NLRC3: variants seen among roughly 807,000 people sequenced by gnomAD.
NLRC3 encodes NLR family CARD domain containing 3.
NLRC3 carries 87 observed loss-of-function variants against 91.6 expected under a neutral mutation model. The ratio of observed to expected loss-of-function variants is 0.95; its 90% CI spans 0.80 to 1.14. The LOEUF (loss-of-function observed/expected upper bound fraction) is 1.14. Ranked by LOEUF, NLRC3 falls within the 50% of genes most tolerant of loss-of-function variation. NLRC3 has a pLI of 0.00. For synonymous variants in NLRC3, 694 were observed against 625.3 expected (o/e 1.11, Z -1.64); for missense variants, 1,577 against 1,418.6 (o/e 1.11, Z -1.79).
rs748215521 is a variant in NLRC3 at position 3,557,670 on chromosome 16, C to T, written c.2022G>A (p.Ala674=). 3.8e-5 allele frequency: 61 copies of T among 1,611,910 alleles called. No homozygotes were observed. The highest frequency in any genetic ancestry group is 1.2e-4 in the Admixed American group (7 of 59,924). ...CCCCTTTGTTACTGATCTGGTTCTC[C>T]GCCAAGCTGCCCAAGGAAAGGGAGA... is the stretch of plus-strand genomic sequence containing the variant. ...KDCRIQKISL[A]ENQISNKGAK... Residue 674 remains alanine, a synonymous_variant, in exon 7 of 20, where the codon GCG becomes GCA. Transcript: ENST00000359128.
intron 15 of NLRC3, chr16:3,545,281 A>G (rs971839696): frequency 6.6e-6 from 1 of 152,122 alleles, no homozygotes; most frequent in Non-Finnish European, 1.5e-5. Context: ...CCCCGTCTCC[A>G]CTAAAAATAC....
intron 17 of NLRC3, 51 bp from the exon 18 acceptor site, chr16:3,542,826 TACTG>T: frequency 7.8e-7 from 1 of 1,284,520 alleles, no homozygotes; most frequent in Non-Finnish European, 1.1e-6. Flanking sequence ...TGAGAGGTGA[TACTG>T]ACCCCTCTGC....
chr16:3,565,371 C>A lies in NLRC3; in HGVS notation c.-77G>T. ...TCACCTCTCTGCGCCTTGGTGTCTT[C>A]ATTTGTGACCTGGAAATGATGATGA... On this transcript the variant is annotated 5_prime_UTR_variant, in exon 3 of 20. The change abolishes an upstream ATG in the 5' untranslated region. Coordinates refer to ENST00000359128, the MANE Select transcript of NLRC3 (RefSeq NM_178844.4). 2.0e-6 allele frequency: 1 copy of A among 512,006 alleles called. No individual in the cohort carries two copies. The highest frequency in any genetic ancestry group is 5.0e-5 in the East Asian group (1 of 19,842). 31.7% of individuals were successfully genotyped at this position (512,006 alleles called of 1,614,324 possible). A position where few individuals can be genotyped will look rare whatever the true frequency, so the allele number is the denominator to read the frequency against.
chr16:3,563,805 C>T lies in NLRC3; in HGVS notation c.1132G>A (p.Glu378Lys). Residue 378 changes from glutamate (E) to lysine (K), a missense_variant, in exon 5 of 20, where the codon GAG (glutamate) becomes AAG (lysine). By Grantham distance (56) the Glu-to-Lys change is moderately conservative (BLOSUM62 1). Coordinates refer to ENST00000359128, the MANE Select transcript of NLRC3 (RefSeq NM_178844.4). ...FRMALSGEGQ[E>K]KGKASPRIEQ... ...ATGCGAGGGCTTGCCTTGCCCTTCTCCTGCCCCTCCCCGCTGAGGGCCATC... is the reference window on the plus strand; with the variant it reads ...ATGCGAGGGCTTGCCTTGCCCTTCTTCTGCCCCTCCCCGCTGAGGGCCATC... The T allele has an allele frequency of 6.2e-7, 1 of 1,610,970 alleles. No individual in the cohort carries two copies. The highest frequency in any genetic ancestry group is 8.5e-7 in the Non-Finnish European group (1 of 1,178,320).
At chr16:3,566,156 A>G (rs2039876754) in intron 2 of NLRC3, among the ~76,000 whole-genome samples, 1 of 149,740 alleles carries the variant, frequency 6.7e-6, no homozygotes, top group African/African-American at 2.4e-5. Context: ...CACTATGGAC[A>G]TTGGGTGATG....
Position 3,541,838 on chromosome 16 carries a change from G to T in NLRC3, c.3185C>A (p.Thr1062Asn). The change falls in exon 20 of 20, where the codon ACT becomes AAT. Residue 1062 changes from threonine to asparagine, a missense_variant. Physicochemically the swap from Thr to Asn is moderately conservative, Grantham distance 65 (BLOSUM62 0). Transcript: ENST00000359128. ...EAIKTNAPTC[T>N]VEM is the part of the protein sequence containing the mutation. ...CGTCCACCAGGATCACATTTCAACA[G>T]TGCACGTGGGAGCATTTGTCTTGAT... 1 of 1,609,170 alleles carries T rather than the reference G, an allele frequency of 6.2e-7. No homozygotes were observed. The highest frequency in any genetic ancestry group is 8.5e-7 in the Non-Finnish European group (1 of 1,175,976).
chr16:3,555,599 T>G (rs2039267152), intron 8 of NLRC3, among the ~76,000 whole-genome samples: 1 of 152,112 alleles, frequency 6.6e-6, no homozygotes, highest in South Asian at 2.1e-4. Flanking sequence ...AGACAGAGTC[T>G]CGCTCTGTCG....
Position 3,544,404 on chromosome 16 carries a change from C to T in NLRC3, c.2772-75G>A, listed in dbSNP as rs557024335. ...CTAGCAAGGCCCTGCCGCACTTGGA[C>T]CTGCCAGGTTTAACCGACTACACAC... On this transcript the variant is annotated intron_variant, in intron 15 of 19. Transcript: ENST00000359128. 20 of 1,044,034 alleles carry T rather than the reference C, an allele frequency of 1.9e-5. No homozygotes were observed. The African/African-American group carries it at 3.1e-4, about 16-fold the overall frequency. 64.7% of individuals were successfully genotyped at this position (1,044,034 alleles called of 1,614,324 possible). A position where few individuals can be genotyped will look rare whatever the true frequency, so the allele number is the denominator to read the frequency against.
At chr16:3,576,289 C>A (rs554998505) in intron 1 of NLRC3, among the ~76,000 whole-genome samples, 2 of 152,194 alleles carry the variant, frequency 1.3e-5, no homozygotes, top group Admixed American at 1.3e-4. Context: ...CTGCGGTTGC[C>A]GTCTCTCTCG....
intron 1 of NLRC3, among the ~76,000 whole-genome samples, chr16:3,572,652 A>G (rs72778138): frequency 0.17 from 25,617 of 152,186 alleles, 2,590 homozygotes; most frequent in South Asian, 0.29. Flanking sequence ...CTGGATTATA[A>G]TAACCATTAT....
chr16:3,557,044 G>T, intron 7 of NLRC3, 50 bp from the exon 8 acceptor site: 1 of 1,334,102 alleles, frequency 7.5e-7, no homozygotes, highest in South Asian at 1.2e-5. Flanking sequence ...CCCAGAGAGG[G>T]AAGGGGAAAC....
At chr16:3,553,767 A>G (rs926502717) in intron 9 of NLRC3, among the ~76,000 whole-genome samples, 2 of 149,754 alleles carry the variant, frequency 1.3e-5, no homozygotes, top group Non-Finnish European at 3.0e-5. Context: ...TTTTTTTGAC[A>G]GAGTCTCGCT....
chr16:3,547,778 CCTG>C lies in NLRC3; in HGVS notation c.2771+354_2771+356del, dbSNP rs377560172. Among the ~76,000 whole-genome samples the C allele has an allele frequency of 4.1e-3, 626 of 152,284 alleles. 12 individuals carry two copies. Among genetic ancestry groups the C allele is most frequent in the African/African-American group, 0.014 (582 of 41,556 alleles). On this transcript the variant is annotated intron_variant, in intron 15 of 19. Transcript: ENST00000359128. Reference sequence around the variant, plus strand: ...GTGCCTCCTGAGTTTAAGCGATTCTCCTGCCTCAGCCTCCCGAGTAGCTGGGAT... The same window carrying C: ...GTGCCTCCTGAGTTTAAGCGATTCTCCCTCAGCCTCCCGAGTAGCTGGGAT...
intron 19 of NLRC3, 79 bp downstream of exon 19, chr16:3,542,112 G>A: frequency 9.5e-7 from 1 of 1,056,720 alleles, no homozygotes; most frequent in South Asian, 1.3e-5. Context: ...GGGGTCAGCT[G>A]GCTCTCAGAA....
chr16:3,556,937 C>A lies in NLRC3; in HGVS notation c.2157G>T (p.Lys719Asn), dbSNP rs201245547. The A allele has an allele frequency of 2.7e-4, 432 of 1,613,634 alleles. No individual in the cohort carries two copies. Among genetic ancestry groups the A allele is most frequent in the Non-Finnish European group, 3.5e-4 (412 of 1,179,784 alleles). ...QGAKALADAL[K>N]INRTLTSLSL... is the part of the protein sequence containing the mutation. ...TCAGGGAGGTCAGGGTGCGGTTGAT[C>A]TTCAAAGCGTCTGCCAGCGCCTTGG... Residue 719 changes from lysine to asparagine, a missense_variant, in exon 8 of 20, where the codon AAG becomes AAT. Transcript: ENST00000359128.
At position 3,549,734 on chromosome 16, in the gene NLRC3, C is replaced by T; in HGVS notation, c.2482G>A (p.Gly828Arg). The T allele has an allele frequency of 6.4e-7, 1 of 1,551,296 alleles. No homozygotes were observed. The highest frequency in any genetic ancestry group is 8.7e-7 in the Non-Finnish European group (1 of 1,146,862). Residue 828 changes from glycine to arginine, a missense_variant, in exon 12 of 20, where the codon GGG (glycine) becomes AGG (arginine). Coordinates refer to ENST00000359128, the MANE Select transcript of NLRC3 (RefSeq NM_178844.4). The part of the protein sequence containing the change: ...ISDAGVAALM[G>R]ALCTNQTLLS... ...AGGGTCTGGTTGGTGCAGAGGGCCC[C>T]CATCAGTGCTGCCACTCCTGCGTCA...
At chr16:3,541,960 C>T in intron 19 of NLRC3, 45 bp from the exon 20 acceptor site, 2 of 1,163,878 alleles carry the variant, frequency 1.7e-6, no homozygotes, top group Non-Finnish European at 2.6e-6. Context: ...TGCAGGTTCT[C>T]TTTAGTAGAG....
At chr16:3,558,631 G>A (rs1040401555) in intron 6 of NLRC3, among the ~76,000 whole-genome samples, 2 of 151,656 alleles carry the variant, frequency 1.3e-5, no homozygotes, top group African/African-American at 4.9e-5. Context: ...TCAAAAGCAT[G>A]GTTCTGGGAA....
At chr16:3,565,976 G>C (rs994509784) in intron 2 of NLRC3, among the ~76,000 whole-genome samples, 20 of 151,838 alleles carry the variant, frequency 1.3e-4, no homozygotes, top group Non-Finnish European at 2.9e-5. Flanking sequence ...GGAGGTCAAA[G>C]CTGCAGTGAG....
Sources: gnomAD v4.1 joint callset for allele counts (sites outside exome capture counted in the v4.1 genomes callset) on GRCh38, gnomAD v4.1.1 for gene constraint, MANE v1.5 for transcripts, NCBI Gene and HGNC (gene_info 2026-07-23, HGNC 2026-07-21) for gene names.